The following MACROD2 variants were observed in gnomAD, a reference collection of about 807,000 sequenced individuals.
MACROD2 encodes the protein ADP-ribose glycohydrolase MACROD2.
A neutral mutation model predicts 70.4 loss-of-function variants in MACROD2; 36 were observed. The observed-to-expected ratio is 0.51, with a 90% CI of 0.39 to 0.68. MACROD2 has a LOEUF of 0.68. MACROD2 is among the 30% of genes least tolerant of loss of function. The pLI, the probability that MACROD2 is intolerant of heterozygous loss-of-function variation, is 0.00. For missense variants in MACROD2, 496 were observed against 538.4 expected, an observed-to-expected ratio of 0.92 and a Z score of 0.78; for synonymous variants, 172 against 178.8, an observed-to-expected ratio of 0.96 and a Z score of 0.30.
At chr20:14,209,133 T>G (rs4814290) in intron 3 of MACROD2, among the ~76,000 whole-genome samples, 144,500 of 152,290 alleles carry the variant, frequency 0.95, 68,576 homozygotes, top group East Asian at 0.99. Flanking sequence ...CCCTTCTCAT[T>G]ATAACCTCAG....
intron 5 of MACROD2, among the ~76,000 whole-genome samples, chr20:14,882,330 G>C (rs2073619650): frequency 6.6e-6 from 1 of 152,104 alleles, no homozygotes; most frequent in African/African-American, 2.4e-5. Flanking sequence ...TATCATCGCA[G>C]TGTTTGAAAA....
intron 8 of MACROD2, among the ~76,000 whole-genome samples, chr20:15,719,941 T>G (rs987083223): frequency 2.6e-5 from 4 of 152,132 alleles, no homozygotes; most frequent in African/African-American, 7.2e-5. Context: ...CCATCCTCTC[T>G]TTATCTCCCA....
chr20:15,877,884 AG>A (rs1412301218), intron 9 of MACROD2, among the ~76,000 whole-genome samples: 1 of 152,134 alleles, frequency 6.6e-6, no homozygotes, highest in African/African-American at 2.4e-5. Context: ...TCTCCTTGAC[AG>A]ACCTGCCCAT....
intron 15 of MACROD2, among the ~76,000 whole-genome samples, chr20:15,993,542 A>C (rs2066588248): frequency 1.3e-5 from 2 of 151,880 alleles, no homozygotes; most frequent in Non-Finnish European, 2.9e-5. Context: ...GTGTAAGTAC[A>C]CTCTATGATG....
At chr20:15,401,580 CT>C (rs142896972) in intron 6 of MACROD2, among the ~76,000 whole-genome samples, 111 of 152,256 alleles carry the variant, frequency 7.3e-4, no homozygotes, top group African/African-American at 2.6e-3. Context: ...CCAAACCTCT[CT>C]GTGTTTTTCA....
chr20:13,998,343 T>TTA (rs1016040375), intron 1 of MACROD2, among the ~76,000 whole-genome samples: 30 of 152,256 alleles, frequency 2.0e-4, no homozygotes, highest in African/African-American at 7.2e-4. Flanking sequence ...TTGTTTTGTT[T>TTA]TAAATTGATC....
intron 5 of MACROD2, among the ~76,000 whole-genome samples, chr20:14,961,036 A>T (rs908350136): frequency 2.6e-5 from 4 of 152,192 alleles, no homozygotes; most frequent in Non-Finnish European, 5.9e-5. Context: ...TGCTAAGGAT[A>T]AATTAAGCAC....
At chr20:15,987,991 CA>C (rs1167787865) in intron 15 of MACROD2, among the ~76,000 whole-genome samples, 1 of 152,128 alleles carries the variant, frequency 6.6e-6, no homozygotes, top group East Asian at 1.9e-4. Flanking sequence ...ACACAGTGAT[CA>C]ATTTTGTTTC....
intron 3 of MACROD2, among the ~76,000 whole-genome samples, chr20:14,345,108 G>T (rs1208110736): frequency 1.3e-5 from 2 of 152,186 alleles, no homozygotes; most frequent in Non-Finnish European, 2.9e-5. Flanking sequence ...TAGTTTGACA[G>T]TGGTTTTAGG....
chr20:15,003,633 G>A (rs1217653152), intron 5 of MACROD2, among the ~76,000 whole-genome samples: 1 of 152,132 alleles, frequency 6.6e-6, no homozygotes, highest in East Asian at 1.9e-4. Flanking sequence ...ATTATTCCTG[G>A]GCTTTTGGGC....
chr20:14,988,355 C>CAAA (rs11087116), intron 5 of MACROD2, among the ~76,000 whole-genome samples: 49 of 112,088 alleles, frequency 4.4e-4, no homozygotes, highest in African/African-American at 1.2e-3. Flanking sequence ...GAGACTCTGT[C>CAAA]AAAAAAAAAA....
intron 12 of MACROD2, among the ~76,000 whole-genome samples, chr20:15,951,150 C>G (rs540256685): frequency 6.6e-6 from 1 of 151,974 alleles, no homozygotes; most frequent in African/African-American, 2.4e-5. Context: ...GGAGTGGTAT[C>G]GGAAAAACAT....
At chr20:14,398,853 G>A (rs571876889) in intron 3 of MACROD2, among the ~76,000 whole-genome samples, 13 of 151,962 alleles carry the variant, frequency 8.6e-5, no homozygotes, top group African/African-American at 2.7e-4. Context: ...TTTCCATTTA[G>A]TATCACTTTC....
chr20:14,595,558 T>G (rs529422190), intron 4 of MACROD2, among the ~76,000 whole-genome samples: 1 of 152,296 alleles, frequency 6.6e-6, no homozygotes, highest in Admixed American at 6.5e-5. Context: ...TATATAAAAT[T>G]TCTTTAACCC....
intron 8 of MACROD2, among the ~76,000 whole-genome samples, chr20:15,651,407 CTAGCCAA>C (rs1313230192): frequency 2.6e-5 from 4 of 152,176 alleles, no homozygotes; most frequent in African/African-American, 9.7e-5. Flanking sequence ...AGAGTAGATG[CTAGCCAA>C]CATATGCTCT....
At chr20:14,859,298 G>A (rs531624316) in intron 5 of MACROD2, among the ~76,000 whole-genome samples, 1 of 152,254 alleles carries the variant, frequency 6.6e-6, no homozygotes, top group East Asian at 1.9e-4. Context: ...GTTAATTATA[G>A]AAAGTGTTCT....
At chr20:14,855,597 GTTTTTTT>G (rs71190156) in intron 5 of MACROD2, among the ~76,000 whole-genome samples, 31,010 of 77,182 alleles carry the variant, frequency 0.4, 5,119 homozygotes, top group Non-Finnish European at 0.46. Context: ...ATCCTACCAA[GTTTTTTT>G]TTTTTTTTTT....
chr20:16,003,144 G>A (rs1210087128), intron 15 of MACROD2, among the ~76,000 whole-genome samples: 2 of 146,408 alleles, frequency 1.4e-5, no homozygotes, highest in Non-Finnish European at 3.0e-5. Context: ...CCCTCAAGGG[G>A]AAGCTAAGCC....
intron 3 of MACROD2, among the ~76,000 whole-genome samples, chr20:14,232,875 T>C (rs1317816084): frequency 7.2e-5 from 11 of 152,240 alleles, no homozygotes; most frequent in African/African-American, 2.2e-4. Context: ...GCTTTTGACG[T>C]GTCCTCCTCA....
Sources: gnomAD v4.1 joint callset for allele counts (sites outside exome capture counted in the v4.1 genomes callset) on GRCh38, gnomAD v4.1.1 for gene constraint, MANE v1.5 for transcripts, NCBI Gene and HGNC (gene_info 2026-07-23, HGNC 2026-07-21) for gene names.